The following SPECC1 variants were observed in gnomAD, a reference collection of about 807,000 sequenced individuals.
The protein encoded by SPECC1 is cytospin-B.
In SPECC1, 62 loss-of-function variants were observed where a neutral mutation model predicts 104.1. The ratio of observed to expected loss-of-function variants is 0.60; its 90% CI spans 0.49 to 0.74. SPECC1 has a LOEUF of 0.74. Among genes scored for constraint, SPECC1 ranks in the 30% least tolerant of loss-of-function variants. The probability of loss-of-function intolerance (pLI) is 0.00; values close to 1 mark genes in which losing one functional copy is unlikely to be tolerated. For synonymous variants in SPECC1, 513 were observed against 501.6 expected, an observed-to-expected ratio of 1.02 and a Z score of -0.30; for missense variants, 1,306 against 1,310.5, an observed-to-expected ratio of 1.00 and a Z score of 0.05.
At position 20,048,512 on chromosome 17, in the gene SPECC1, G is replaced by T. The variant is rs1597613488; in HGVS notation, c.-22+39088G>T. ...TGTCTCAGAAATAGCCTTTGTGTTT[G>T]TTGCTCAGGGTTGAGGCCCTTCTCT... On this transcript the variant is annotated intron_variant, in intron 1 of 14. Transcript: ENST00000395527. 2.0e-5 allele frequency among the ~76,000 whole-genome samples: 3 copies of T among 152,152 alleles called. 1 individual carries two copies. The South Asian group carries it at 6.2e-4, about 32-fold the overall frequency.
At chr17:20,268,724 A>G (rs996712253) in intron 12 of SPECC1, among the ~76,000 whole-genome samples, 1 of 152,126 alleles carries the variant, frequency 6.6e-6, no homozygotes, top group Admixed American at 6.5e-5. Context: ...GTGTTGTCCT[A>G]CAACCTGTGA....
At chr17:20,161,077 G>T (rs1368471023) in intron 3 of SPECC1, among the ~76,000 whole-genome samples, 2 of 152,178 alleles carry the variant, frequency 1.3e-5, no homozygotes, top group Non-Finnish European at 2.9e-5. Context: ...CGAGTGCGGT[G>T]GTGGGCACCT....
intron 1 of SPECC1, among the ~76,000 whole-genome samples, chr17:20,085,858 G>A (rs551501790): frequency 2.6e-5 from 4 of 152,228 alleles, no homozygotes; most frequent in East Asian, 3.8e-4. Flanking sequence ...TATCCACCAC[G>A]ACTCTGGGTA....
intron 4 of SPECC1, among the ~76,000 whole-genome samples, chr17:20,223,180 C>CT (rs1183557193): frequency 6.6e-6 from 1 of 151,808 alleles, no homozygotes; most frequent in African/African-American, 2.4e-5. Flanking sequence ...TAGATTTGCG[C>CT]TTTTTTTAGA....
At chr17:20,190,386 G>A (rs1448419101) in intron 3 of SPECC1, among the ~76,000 whole-genome samples, 1 of 137,136 alleles carries the variant, frequency 7.3e-6, no homozygotes, top group African/African-American at 2.7e-5. Flanking sequence ...ATTATGAAAA[G>A]CAAGACTGCT....
In SPECC1 at chr17:20,097,665, T is replaced by G. The variant is rs370763052; in HGVS notation, c.147+867T>G. On this transcript the variant is annotated intron_variant, in intron 2 of 14. Transcript: ENST00000395527. Reference sequence around the variant, plus strand: ...TGAACCAAGCATGGTGCCGGCTCCCTTTGTTTTAGTATTTTTGGACTTAGA... The same window carrying G: ...TGAACCAAGCATGGTGCCGGCTCCCGTTGTTTTAGTATTTTTGGACTTAGA... 3.3e-5 allele frequency among the ~76,000 whole-genome samples: 5 copies of G among 152,284 alleles called. No individual in the cohort carries two copies. In the East Asian group the frequency reaches 5.8e-4, roughly 18 times the overall value.
chr17:20,300,937 G>T (rs1031626305), intron 13 of SPECC1, among the ~76,000 whole-genome samples: 6 of 152,172 alleles, frequency 3.9e-5, no homozygotes, highest in African/African-American at 1.4e-4. Flanking sequence ...CTTGAATTGG[G>T]TTGTGTCCCA....
At chr17:20,038,518 G>T (rs1351060619) in intron 1 of SPECC1, among the ~76,000 whole-genome samples, 1 of 149,822 alleles carries the variant, frequency 6.7e-6, no homozygotes, top group African/African-American at 2.5e-5. Flanking sequence ...TCCTACCTCA[G>T]CCTCCCAAGT....
intron 3 of SPECC1, chr17:20,156,092 A>C: frequency 7.4e-7 from 1 of 1,342,930 alleles, no homozygotes; most frequent in Non-Finnish European, 9.6e-7. Context: ...ACTGGAGCGG[A>C]CCCGCCGGAC....
intron 4 of SPECC1, among the ~76,000 whole-genome samples, chr17:20,213,397 C>G (rs972956598): frequency 2.0e-5 from 3 of 152,218 alleles, no homozygotes; most frequent in African/African-American, 7.2e-5. Flanking sequence ...ACCCAGAGCT[C>G]TTATTATAAT....
intron 1 of SPECC1, among the ~76,000 whole-genome samples, chr17:20,050,218 C>G (rs4925069): frequency 0.54 from 81,713 of 151,976 alleles, 22,476 homozygotes; most frequent in Middle Eastern, 0.62. Context: ...GAACTTAAAA[C>G]TATAATTAAA....
chr17:20,240,060 A>AT (rs748689632), intron 7 of SPECC1, among the ~76,000 whole-genome samples: 3,055 of 32,152 alleles, frequency 0.095, 767 homozygotes, highest in East Asian at 0.15. Context: ...TGTCCAGCTA[A>AT]TTTTTTTTTT....
At chr17:20,035,443 T>G (rs868564748) in intron 1 of SPECC1, among the ~76,000 whole-genome samples, 82 of 152,300 alleles carry the variant, frequency 5.4e-4, no homozygotes, top group South Asian at 1.0e-3. Context: ...TATTTAAGTC[T>G]TCTTTGATTT....
chr17:20,124,106 G>C (rs953587721), intron 3 of SPECC1, among the ~76,000 whole-genome samples: 7 of 152,144 alleles, frequency 4.6e-5, no homozygotes, highest in African/African-American at 1.7e-4. Flanking sequence ...CACAGAAGGA[G>C]GAGGGCCATG....
intron 12 of SPECC1, among the ~76,000 whole-genome samples, chr17:20,273,825 C>G (rs2040489123): frequency 6.6e-6 from 1 of 152,200 alleles, no homozygotes; most frequent in Non-Finnish European, 1.5e-5. Context: ...TGTCCATTGA[C>G]TTTTCAGCTG....
intron 1 of SPECC1, among the ~76,000 whole-genome samples, chr17:20,059,295 G>C (rs181418012): frequency 6.6e-6 from 1 of 151,834 alleles, no homozygotes; most frequent in Non-Finnish European, 1.5e-5. Flanking sequence ...CAGATCTTCC[G>C]GCATTAGAGT....
chr17:20,282,640 C>G (rs1275043518), intron 12 of SPECC1, among the ~76,000 whole-genome samples: 2 of 152,012 alleles, frequency 1.3e-5, no homozygotes, highest in Non-Finnish European at 2.9e-5. Context: ...TGGAAAGGTG[C>G]AATGAAGCCA....
At chr17:20,027,461 G>T (rs2044641227) in intron 1 of SPECC1, among the ~76,000 whole-genome samples, 1 of 151,958 alleles carries the variant, frequency 6.6e-6, no homozygotes, top group African/African-American at 2.4e-5. Flanking sequence ...TGTTTTTGTT[G>T]CCTGTGTTTT....
At chr17:20,243,232 A>G (rs2039280090) in intron 7 of SPECC1, among the ~76,000 whole-genome samples, 1 of 152,206 alleles carries the variant, frequency 6.6e-6, no homozygotes, top group Admixed American at 6.5e-5. Flanking sequence ...GCAAGCCTTG[A>G]ACAAGTGTTT....
Sources: allele counts gnomAD v4.1 joint callset (sites outside exome capture counted in the v4.1 genomes callset), GRCh38; gene constraint gnomAD v4.1.1; transcripts MANE v1.5; gene names NCBI Gene and HGNC (gene_info 2026-07-23, HGNC 2026-07-21).